C4orf51: variants seen among roughly 807,000 people sequenced by gnomAD.
The protein encoded by C4orf51 is uncharacterized protein C4orf51.
C4orf51 carries 25 observed loss-of-function variants against 25.2 expected under a neutral mutation model. That is an observed-to-expected ratio of 0.99 (90% CI 0.72 to 1.39). C4orf51 has a LOEUF of 1.39. C4orf51 is among the 40% of genes most tolerant of loss of function. The probability of loss-of-function intolerance (pLI) is 0.00; values close to 1 mark genes in which losing one functional copy is unlikely to be tolerated. For missense variants in C4orf51, 252 were observed against 239.6 expected (o/e 1.05, Z -0.34); for synonymous variants, 100 against 84.5 (o/e 1.18, Z -1.01).
At chr4:145,685,894 T>C (rs1251888691) in intron 1 of C4orf51, among the ~76,000 whole-genome samples, 1 of 152,088 alleles carries the variant, frequency 6.6e-6, no homozygotes, top group African/African-American at 2.4e-5. Flanking sequence ...AGTACACTCA[T>C]ATAACCCATG....
chr4:145,749,790 C>A (rs1351107088), intron 1 of C4orf51, among the ~76,000 whole-genome samples: 1 of 152,034 alleles, frequency 6.6e-6, no homozygotes, highest in Non-Finnish European at 1.5e-5. Context: ...TCCACCACCA[C>A]ACCCAGCTAA....
At chr4:145,686,923 A>G (rs111814794) in intron 1 of C4orf51, among the ~76,000 whole-genome samples, 4,475 of 151,908 alleles carry the variant, frequency 0.029, 179 homozygotes, top group African/African-American at 0.094. Flanking sequence ...TATTCTTGCC[A>G]CATGGCAGCC....
intron 2 of C4orf51, among the ~76,000 whole-genome samples, chr4:145,700,144 A>T: frequency 2.5e-5 from 3 of 117,728 alleles, no homozygotes; most frequent in Non-Finnish European, 3.6e-5. Flanking sequence ...CCAATCCCTT[A>T]TTTCCATGCC....
the C4orf51 span, among the ~76,000 whole-genome samples, chr4:145,786,054 A>G: frequency 9.2e-5 from 14 of 152,186 alleles, no homozygotes; most frequent in Admixed American, 9.2e-4. Flanking sequence ...TGAGGTAAAC[A>G]TGGTATTACT....
At chr4:145,734,903 TA>T (rs1732719260), downstream of C4orf51, among the ~76,000 whole-genome samples, 1 of 152,128 alleles carries the variant, frequency 6.6e-6, no homozygotes, top group Non-Finnish European at 1.5e-5. Flanking sequence ...TCCCGGAGGC[TA>T]GAGCAGGATG....
chr4:145,700,435 A>G (rs537912432), intron 2 of C4orf51, among the ~76,000 whole-genome samples: 37 of 151,982 alleles, frequency 2.4e-4, no homozygotes, highest in Non-Finnish European at 4.4e-4. Flanking sequence ...TGTTCTTAAG[A>G]ACTTAAAACC....
chr4:145,694,259 C>T (rs1422144255), intron 1 of C4orf51, among the ~76,000 whole-genome samples: 36 of 139,692 alleles, frequency 2.6e-4, no homozygotes, highest in Admixed American at 2.8e-4. Context: ...GGCGGCCAGG[C>T]GGAGACGCTC....
At chr4:145,747,047 T>C (rs1273543182) in intron 1 of C4orf51, among the ~76,000 whole-genome samples, 2 of 152,174 alleles carry the variant, frequency 1.3e-5, no homozygotes. Context: ...TTTTTGTACG[T>C]TGATTTTGTA....
At chr4:145,775,934 A>G, downstream of C4orf51, 1 of 1,614,220 alleles carries the variant, frequency 6.2e-7, no homozygotes, top group East Asian at 2.2e-5. Flanking sequence ...GCATAGGGGC[A>G]CAAGTGGCAT....
chr4:145,731,932 C>T (rs538071137), intron 5 of C4orf51, among the ~76,000 whole-genome samples: 7 of 152,224 alleles, frequency 4.6e-5, no homozygotes, highest in Non-Finnish European at 1.0e-4. Context: ...TGGAGGAGAA[C>T]AAGCACTGAG....
At chr4:145,722,490 T>TGTTAATA (rs1368825089) in intron 2 of C4orf51, among the ~76,000 whole-genome samples, 8 of 152,228 alleles carry the variant, frequency 5.3e-5, no homozygotes, top group African/African-American at 1.9e-4. Context: ...GCTAGAATAA[T>TGTTAATA]TTGTATCTAA....
the C4orf51 span, chr4:145,779,488 C>T: frequency 6.2e-7 from 1 of 1,614,090 alleles, no homozygotes; most frequent in Admixed American, 1.7e-5. Context: ...CCATTTCCTG[C>T]CTCTAGGACT....
chr4:145,745,288 T>C (rs1184123259), intron 1 of C4orf51, among the ~76,000 whole-genome samples: 3 of 151,512 alleles, frequency 2.0e-5, no homozygotes, highest in Non-Finnish European at 4.4e-5. Context: ...AGACACACTG[T>C]TGTGGTATCA....
downstream of C4orf51, among the ~76,000 whole-genome samples, chr4:145,733,879 C>A (rs545352905): frequency 6.6e-6 from 1 of 152,166 alleles, no homozygotes; most frequent in African/African-American, 2.4e-5. Flanking sequence ...AGAAAGGCCT[C>A]TGTTTAGGTT....
chr4:145,735,282 C>T (rs932172734), downstream of C4orf51, among the ~76,000 whole-genome samples: 2 of 152,170 alleles, frequency 1.3e-5, no homozygotes, highest in African/African-American at 4.8e-5. Context: ...TGCCATTCCT[C>T]ACGCAATCTG....
downstream of C4orf51, chr4:145,732,803 G>A: frequency 2.8e-6 from 1 of 352,334 alleles, no homozygotes; most frequent in South Asian, 5.7e-5. Flanking sequence ...ATAAATACTT[G>A]GGACCACATT....
At chr4:145,706,002 C>T (rs780157907) in intron 2 of C4orf51, among the ~76,000 whole-genome samples, 1 of 152,000 alleles carries the variant, frequency 6.6e-6, no homozygotes, top group Admixed American at 6.6e-5. Context: ...ATTACCCATC[C>T]GTCTTATTTC....
At chr4:145,756,593 G>A (rs953525410), downstream of C4orf51, among the ~76,000 whole-genome samples, 1 of 152,126 alleles carries the variant, frequency 6.6e-6, no homozygotes, top group Non-Finnish European at 1.5e-5. Flanking sequence ...GAAAATGTAA[G>A]GTAGCTGTGG....
downstream of C4orf51, among the ~76,000 whole-genome samples, chr4:145,773,856 T>A (rs1306020571): frequency 6.6e-6 from 1 of 152,068 alleles, no homozygotes; most frequent in Non-Finnish European, 1.5e-5. Context: ...GAACAGAGCC[T>A]ACAGAAGTAG....
Sources: gnomAD v4.1 joint callset for allele counts (sites outside exome capture counted in the v4.1 genomes callset) on GRCh38, gnomAD v4.1.1 for gene constraint, MANE v1.5 for transcripts, NCBI Gene and HGNC (gene_info 2026-07-23, HGNC 2026-07-21) for gene names.